Variants in RBFOX1 observed in about 807,000 individuals in gnomAD.
The protein encoded by RBFOX1 is RNA binding fox-1 homolog 1.
Under a neutral mutation model 57.7 loss-of-function variants are expected in RBFOX1, and 8 were observed. That is an observed-to-expected ratio of 0.14 (90% CI 0.08 to 0.25). RBFOX1 has a LOEUF of 0.25. Among genes scored for constraint, RBFOX1 ranks in the 10% least tolerant of loss-of-function variants. The pLI is 1.00. For synonymous variants in RBFOX1, 326 were observed against 222.4 expected (o/e 1.47, Z -4.15); for missense variants, 611 against 548.5 (o/e 1.11, Z -1.14).
rs969026239 is a variant in RBFOX1 at position 6,966,919 on chromosome 16, CCATCCATCCATCCATCCATT to C, written c.-15-85137_-15-85118del. Among the ~76,000 whole-genome samples, 8 of 151,740 alleles carry C rather than the reference CCATCCATCCATCCATCCATT, an allele frequency of 5.3e-5. 1 individual carries two copies. The highest frequency in any genetic ancestry group is 1.5e-5 in the Non-Finnish European group (1 of 67,972). On this transcript the variant is annotated intron_variant, in intron 3 of 15. Coordinates refer to ENST00000550418, the MANE Select transcript of RBFOX1 (RefSeq NM_018723.4). ...TCCATCCATCCATCCATCCATCCAT[CCATCCATCCATCCATCCATT>C]GGCCTACCTATTATCTATTTGCCTA...
At position 6,365,073 on chromosome 16, in the gene RBFOX1, G is replaced by A. The variant is rs919185476; in HGVS notation, c.-64+48016G>A. On this transcript the variant is annotated intron_variant, in intron 2 of 15. Transcript: ENST00000550418. ...AAGGCACAGTCATCAAAACTGATGA[G>A]CCCAAAATGGGATTCACCCTTAAAA... 6.9e-5 allele frequency among the ~76,000 whole-genome samples: 10 copies of A among 144,286 alleles called. No individual in the cohort carries two copies. The Admixed American group carries it at 7.0e-4, about 10-fold the overall frequency. The allele number at this position is 144,286 out of a possible 152,430, so 94.7% of individuals were successfully genotyped here. A position where few individuals can be genotyped will look rare whatever the true frequency, so the allele number is the denominator to read the frequency against.
At chr16:6,895,446 GTGTATATATATATATATATATA>G (rs1364012769) in intron 3 of RBFOX1, among the ~76,000 whole-genome samples, 11 of 57,096 alleles carry the variant, frequency 1.9e-4, no homozygotes, top group African/African-American at 7.0e-4. Flanking sequence ...GTGTGTGTGT[GTGTATATATATATATATATATA>G]TATATATATA....
intron 3 of RBFOX1, among the ~76,000 whole-genome samples, chr16:5,762,916 G>T (rs1041472207): frequency 6.6e-6 from 1 of 152,152 alleles, no homozygotes; most frequent in African/African-American, 2.4e-5. Flanking sequence ...CCTCTTGAAG[G>T]ATATACAGCA....
At chr16:6,759,139 C>G (rs1000398380) in intron 3 of RBFOX1, among the ~76,000 whole-genome samples, 4 of 123,148 alleles carry the variant, frequency 3.2e-5, no homozygotes, top group African/African-American at 6.1e-5. Flanking sequence ...TTTCATATTA[C>G]TTATCAATTC....
intron 3 of RBFOX1, among the ~76,000 whole-genome samples, chr16:7,040,142 T>G (rs2045710973): frequency 6.6e-6 from 1 of 152,006 alleles, no homozygotes; most frequent in Non-Finnish European, 1.5e-5. Flanking sequence ...TGCCTCAGCC[T>G]CCCGAGTAGC....
chr16:5,984,983 T>A (rs1163592559), intron 4 of RBFOX1, among the ~76,000 whole-genome samples: 132 of 127,918 alleles, frequency 1.0e-3, no homozygotes, highest in African/African-American at 3.4e-3. Flanking sequence ...TATATTTTTT[T>A]TTTTTTTTTT....
chr16:6,495,627 A>G (rs907898309), intron 2 of RBFOX1, among the ~76,000 whole-genome samples: 1 of 152,194 alleles, frequency 6.6e-6, no homozygotes, highest in Non-Finnish European at 1.5e-5. Context: ...TCTGCCTTAA[A>G]GCTTGCTTTA....
intron 2 of RBFOX1, among the ~76,000 whole-genome samples, chr16:6,388,326 C>G (rs995055503): frequency 2.0e-5 from 3 of 151,992 alleles, no homozygotes; most frequent in African/African-American, 7.3e-5. Flanking sequence ...AAGCTGTTTG[C>G]AGCCATTTTG....
intron 3 of RBFOX1, among the ~76,000 whole-genome samples, chr16:6,820,547 T>C (rs779542848): frequency 1.3e-5 from 2 of 151,958 alleles, no homozygotes; most frequent in Non-Finnish European, 1.5e-5. Flanking sequence ...TAGTCTCAGC[T>C]ACTTGGGATG....
chr16:6,947,598 C>G (rs1273776743), intron 3 of RBFOX1, among the ~76,000 whole-genome samples: 1 of 152,200 alleles, frequency 6.6e-6, no homozygotes, highest in Non-Finnish European at 1.5e-5. Context: ...TGCCTCCTGC[C>G]TTGCGTAGAA....
chr16:6,172,750 G>C (rs572489596), intron 1 of RBFOX1, among the ~76,000 whole-genome samples: 2 of 152,288 alleles, frequency 1.3e-5, no homozygotes, highest in South Asian at 4.1e-4. Flanking sequence ...AGGACAGAAG[G>C]GTTTTGTGTT....
intron 1 of RBFOX1, among the ~76,000 whole-genome samples, chr16:5,251,341 G>C (rs533929510): frequency 1.3e-5 from 2 of 152,290 alleles, no homozygotes; most frequent in Non-Finnish European, 2.9e-5. Context: ...TGAGATCACT[G>C]TTGACAGCAC....
intron 4 of RBFOX1, among the ~76,000 whole-genome samples, chr16:7,068,124 C>T (rs938487621): frequency 2.6e-5 from 4 of 151,958 alleles, no homozygotes; most frequent in African/African-American, 9.7e-5. Flanking sequence ...TGGGTCCACC[C>T]AGATTATCCA....
intron 1 of RBFOX1, among the ~76,000 whole-genome samples, chr16:5,411,988 T>G (rs1205666185): frequency 6.6e-6 from 1 of 152,194 alleles, no homozygotes; most frequent in Non-Finnish European, 1.5e-5. Context: ...TCTTATCTGT[T>G]TAATATTTCT....
chr16:6,930,078 TGCTGGTTTACTCGGCC>T (rs2076258737), intron 3 of RBFOX1, among the ~76,000 whole-genome samples: 1 of 152,194 alleles, frequency 6.6e-6, no homozygotes, highest in South Asian at 2.1e-4. Flanking sequence ...CTGCTGGTTA[TGCTGGTTTACTCGGCC>T]TGCTCTTGAA....
intron 1 of RBFOX1, among the ~76,000 whole-genome samples, chr16:5,329,481 C>T (rs2151270610): frequency 1.3e-5 from 2 of 152,310 alleles, no homozygotes; most frequent in Middle Eastern, 3.4e-3. Context: ...AGTCAGCTCC[C>T]ACCAGGCCCC....
At chr16:6,492,298 C>T (rs983294479) in intron 2 of RBFOX1, among the ~76,000 whole-genome samples, 5 of 152,152 alleles carry the variant, frequency 3.3e-5, no homozygotes, top group Admixed American at 6.5e-5. Flanking sequence ...AGGCTGGGCA[C>T]GATGGCCCAC....
At chr16:6,788,267 A>G (rs542567298) in intron 3 of RBFOX1, among the ~76,000 whole-genome samples, 52 of 152,074 alleles carry the variant, frequency 3.4e-4, no homozygotes, top group Non-Finnish European at 5.6e-4. Flanking sequence ...GCTGCATCAT[A>G]CCTGTTCTGA....
rs571833181 is a variant in RBFOX1 at position 5,365,224 on chromosome 16, G to C, written c.220-101992G>C. The stretch of plus-strand genomic sequence containing the variant: ...TTTCCCACTGGTTGAGGGTCGTTCT[G>C]GGAGGTGTCACACTGAATGCACAAA... On this transcript the variant is annotated intron_variant, in intron 1 of 2. Transcript: ENST00000585867. 1.5e-4 allele frequency among the ~76,000 whole-genome samples: 23 copies of C among 152,222 alleles called. No homozygotes were observed. In the Middle Eastern group the frequency reaches 0.014, roughly 90 times the overall value.
Sources: allele counts gnomAD v4.1 joint callset (sites outside exome capture counted in the v4.1 genomes callset), GRCh38; gene constraint gnomAD v4.1.1; transcripts MANE v1.5; gene names NCBI Gene and HGNC (gene_info 2026-07-23, HGNC 2026-07-21).